The following MMS19 variants were observed in gnomAD, a reference collection of about 807,000 sequenced individuals.
MMS19 encodes the protein MMS19 nucleotide excision repair protein homolog.
A neutral mutation model predicts 129.8 loss-of-function variants in MMS19; 77 were observed. That is an observed-to-expected ratio of 0.59 (90% CI 0.49 to 0.72). MMS19 has a LOEUF of 0.72. Ranked by LOEUF, MMS19 falls within the 30% of genes least tolerant of loss-of-function variation. The pLI, the probability that MMS19 is intolerant of heterozygous loss-of-function variation, is 0.00. For synonymous variants in MMS19, 491 were observed against 502.8 expected, an observed-to-expected ratio of 0.98 and a Z score of 0.31; for missense variants, 1,168 against 1,266.3, an observed-to-expected ratio of 0.92 and a Z score of 1.18.
chr10:97,470,557 G>A (rs2034472292), intron 9 of MMS19, among the ~76,000 whole-genome samples: 1 of 152,154 alleles, frequency 6.6e-6, no homozygotes, highest in African/African-American at 2.4e-5. Context: ...CTGAGTAGCT[G>A]GAACTATAGG....
chr10:97,467,238 C>G (rs2133383167), intron 14 of MMS19, among the ~76,000 whole-genome samples: 1 of 152,302 alleles, frequency 6.6e-6, no homozygotes, highest in South Asian at 2.1e-4. Context: ...CTTAGCCTAC[C>G]AAAGTGCTGG....
chr10:97,498,298 C>A lies in MMS19; in HGVS notation c.87G>T (p.Glu29Asp). Reference sequence around the variant, plus strand: ...CTGCAGCCACCTGGTCAGCGGGGCCCTCTTGCTGACCCACGACGAAGTCGT... The same window carrying A: ...CTGCAGCCACCTGGTCAGCGGGGCCATCTTGCTGACCCACGACGAAGTCGT... ...LVHDFVVGQQ[E>D]GPADQVAADV... is the part of the protein sequence containing the mutation. The change falls in exon 1 of 31, where the codon GAG becomes GAT. Residue 29 changes from glutamate to aspartate, a missense_variant. Physicochemically the swap from Glu to Asp is conservative, Grantham distance 45 (BLOSUM62 2). Coordinates refer to ENST00000438925, the MANE Select transcript of MMS19 (RefSeq NM_022362.5). 1 of 1,571,078 alleles carries A rather than the reference C, an allele frequency of 6.4e-7. No homozygotes were observed. The highest frequency in any genetic ancestry group is 8.6e-7 in the Non-Finnish European group (1 of 1,165,588).
Position 97,464,490 on chromosome 10 carries a change from T to C in MMS19, c.1757-477A>G, listed in dbSNP as rs17112803. Among the ~76,000 whole-genome samples, 1,222 of 152,258 alleles carry C rather than the reference T, an allele frequency of 8.0e-3. 28 individuals carry two copies. The highest frequency in any genetic ancestry group is 0.073 in the East Asian group (378 of 5,180). On this transcript the variant is annotated intron_variant, in intron 18 of 30. Transcript: ENST00000438925. ...TGCTGTCACTTTTGCATTGGAGCAG[T>C]GCTTCTCAAACTCAACAGTCTACGA...
intron 8 of MMS19, among the ~76,000 whole-genome samples, chr10:97,476,310 A>G (rs916387638): frequency 6.6e-6 from 1 of 152,222 alleles, no homozygotes; most frequent in Non-Finnish European, 1.5e-5. Context: ...CTGTGAAGTC[A>G]GTTCCTGCCT....
At chr10:97,468,923 C>T in intron 12 of MMS19, 43 bp downstream of exon 12, 2 of 1,559,876 alleles carry the variant, frequency 1.3e-6, no homozygotes, top group Non-Finnish European at 1.7e-6. Flanking sequence ...AATGTCGTTT[C>T]TATTGTGCTC....
rs774306185 is a variant in MMS19 at position 97,498,260 on chromosome 10, C to T, written c.112+13G>A. 2 of 1,542,010 alleles carry T rather than the reference C, an allele frequency of 1.3e-6. No individual in the cohort carries two copies. The highest frequency in any genetic ancestry group is 2.4e-5 in the South Asian group (2 of 84,664). ...GCCCCCATGCGGAAGGCGCGCGGCG[C>T]CGTCTGCCGTACCTGCAGCCACCTG... On this transcript the variant is annotated intron_variant, in intron 1 of 30. Transcript: ENST00000438925.
At position 97,461,813 on chromosome 10, in the gene MMS19, A is replaced by G; in HGVS notation, c.2184+15T>C. 6.2e-7 allele frequency: 1 copy of G among 1,604,996 alleles called. No homozygotes were observed. ...CAAGGTTAAATAACAGTACTTCCCA[A>G]ATGTGCTCACTTACATTTCGAGGCA... On this transcript the variant is annotated intron_variant, in intron 22 of 30. Coordinates refer to ENST00000438925, the MANE Select transcript of MMS19 (RefSeq NM_022362.5).
intron 1 of MMS19, among the ~76,000 whole-genome samples, chr10:97,488,350 T>C (rs29001271): frequency 9.8e-4 from 150 of 152,364 alleles, no homozygotes; most frequent in African/African-American, 3.5e-3. Flanking sequence ...GATTATAAAC[T>C]GGTGCAACCC....
At chr10:97,484,378 T>C (rs890356572) in intron 1 of MMS19, among the ~76,000 whole-genome samples, 12 of 152,092 alleles carry the variant, frequency 7.9e-5, no homozygotes, top group Non-Finnish European at 2.9e-5. Context: ...GTGAATGACA[T>C]GAGCGTATAT....
chr10:97,472,183 GT>G (rs2034853968), intron 8 of MMS19, among the ~76,000 whole-genome samples: 1 of 152,182 alleles, frequency 6.6e-6, no homozygotes, highest in African/African-American at 2.4e-5. Context: ...AAATACAAAA[GT>G]TTATGAAACA....
chr10:97,461,989 T>C (rs1439171525), intron 21 of MMS19, 28 bp downstream of exon 21: 2 of 1,570,680 alleles, frequency 1.3e-6, no homozygotes, highest in East Asian at 2.3e-5. Context: ...AAAACCAGCT[T>C]GAAGGATGTA....
intron 8 of MMS19, among the ~76,000 whole-genome samples, chr10:97,473,789 G>C (rs1032614857): frequency 2.0e-5 from 3 of 152,066 alleles, no homozygotes; most frequent in Non-Finnish European, 4.4e-5. Context: ...GGCTGTTTTT[G>C]TGCAGTAACA....
At chr10:97,484,937 C>T (rs1420879011) in intron 1 of MMS19, among the ~76,000 whole-genome samples, 3 of 151,994 alleles carry the variant, frequency 2.0e-5, no homozygotes, top group Non-Finnish European at 4.4e-5. Context: ...TGCCACTACC[C>T]CTGGCTAAGT....
intron 1 of MMS19, among the ~76,000 whole-genome samples, chr10:97,490,966 T>C (rs2038764897): frequency 1.3e-5 from 2 of 152,084 alleles, no homozygotes; most frequent in South Asian, 4.1e-4. Flanking sequence ...ACAAACCAAG[T>C]TGGGTTCTAT....
At chr10:97,459,095 A>G (rs1187107927) in intron 29 of MMS19, 128 bp downstream of exon 29, 2 of 1,036,858 alleles carry the variant, frequency 1.9e-6, no homozygotes, top group Non-Finnish European at 2.8e-6. Context: ...GAATTACAAG[A>G]TCTGTACCTT....
intron 8 of MMS19, among the ~76,000 whole-genome samples, chr10:97,473,836 T>C (rs563845872): frequency 1.7e-4 from 26 of 152,186 alleles, no homozygotes; most frequent in Middle Eastern, 3.4e-3. Context: ...ACAAAGCTAC[T>C]GTCTGGCCTT....
At chr10:97,466,623 C>T in intron 15 of MMS19, 38 bp from the exon 16 acceptor site, 2 of 1,586,302 alleles carry the variant, frequency 1.3e-6, no homozygotes. Context: ...ATCTTTCTTC[C>T]CCTGCAGCCA....
At chr10:97,465,377 C>T (rs1589601602) in intron 18 of MMS19, among the ~76,000 whole-genome samples, 3 of 152,144 alleles carry the variant, frequency 2.0e-5, no homozygotes, top group Admixed American at 6.5e-5. Flanking sequence ...AATCTCAGCT[C>T]GCTGCAACCT....
At position 97,498,401 on chromosome 10, in the gene MMS19, CG is replaced by C; in HGVS notation, c.-18del. The stretch of plus-strand genomic sequence containing the variant: ...AGCGGCCATAACGCGAACTAGAGAC[CG>C]TGGGAGGGGATATGGGCGGTGGCTC... On this transcript the variant is annotated 5_prime_UTR_variant, in exon 1 of 31. Coordinates refer to ENST00000438925, the MANE Select transcript of MMS19 (RefSeq NM_022362.5). 6.3e-7 allele frequency: 1 copy of C among 1,577,996 alleles called. No homozygotes were observed. Among genetic ancestry groups the C allele is most frequent in the Non-Finnish European group, 8.5e-7 (1 of 1,170,222 alleles).
Sources: gnomAD v4.1 joint callset for allele counts (sites outside exome capture counted in the v4.1 genomes callset) on GRCh38, gnomAD v4.1.1 for gene constraint, MANE v1.5 for transcripts, NCBI Gene and HGNC (gene_info 2026-07-23, HGNC 2026-07-21) for gene names.